CDH23: variants seen among roughly 807,000 people sequenced by gnomAD.
CDH23 encodes the protein cadherin related 23, also known as cadherin-23.
In CDH23, 189 loss-of-function variants were observed where a neutral mutation model predicts 317.1. That is an observed-to-expected ratio of 0.60 (90% CI 0.53 to 0.67). The LOEUF (loss-of-function observed/expected upper bound fraction) is 0.67. CDH23 is among the 30% of genes least tolerant of loss of function. CDH23 has a pLI of 0.00. For missense variants in CDH23, 4,401 were observed against 4,592.4 expected (o/e 0.96, Z 1.20); for synonymous variants, 1,839 against 1,876.8 (o/e 0.98, Z 0.52).
chr10:71,570,999 T>A (rs1404437827), intron 8 of CDH23, 81 bp downstream of exon 8: 1 of 1,525,048 alleles, frequency 6.6e-7, no homozygotes, highest in Non-Finnish European at 9.0e-7. Flanking sequence ...ATGGGCCCTG[T>A]TAGTGGGCTG....
chr10:71,511,415 G>A (rs1853979083), intron 6 of CDH23, among the ~76,000 whole-genome samples: 1 of 152,142 alleles, frequency 6.6e-6, no homozygotes, highest in African/African-American at 2.4e-5. Context: ...AAGAGCAGTT[G>A]GGCCGGTAGG....
intron 9 of CDH23, among the ~76,000 whole-genome samples, chr10:71,593,458 A>T (rs1002702689): frequency 2.0e-5 from 3 of 152,254 alleles, no homozygotes; most frequent in African/African-American, 7.2e-5. Context: ...ATGCCATAGA[A>T]GAAAAATTGT....
chr10:71,673,868 C>T (rs565978253), intron 14 of CDH23, among the ~76,000 whole-genome samples: 4 of 152,312 alleles, frequency 2.6e-5, no homozygotes, highest in South Asian at 2.1e-4. Context: ...GGAGAGGCCC[C>T]GTCCAGGAGC....
chr10:71,778,014 T>TG, intron 39 of CDH23, 113 bp downstream of exon 39: 1 of 1,428,962 alleles, frequency 7.0e-7, no homozygotes, highest in Non-Finnish European at 9.6e-7. Flanking sequence ...GGGGAAACTG[T>TG]GGGGGCACTC....
In CDH23 at chr10:71,570,820, C is replaced by A. The variant is rs1857747176; in HGVS notation, c.655C>A (p.Leu219Met). 6.2e-7 allele frequency: 1 copy of A among 1,613,694 alleles called. No individual in the cohort carries two copies. Among genetic ancestry groups the A allele is most frequent in the Non-Finnish European group, 8.5e-7 (1 of 1,179,808 alleles). The change falls in exon 8 of 70, where the codon CTG (leucine) becomes ATG (methionine). Residue 219 changes from leucine (L) to methionine (M), a missense_variant. Leu to Met is a conservative substitution (Grantham distance 15, BLOSUM62 2). Around this residue, in one of 3 missense-constraint regions of CDH23, gnomAD observed 3,068 missense variants for 3,203.3 expected, o/e 0.96. Coordinates refer to ENST00000224721, the MANE Select transcript of CDH23 (RefSeq NM_022124.6). ...DQDKTRPLST[L>M]ANLAIIITDV... Reference sequence around the variant, plus strand: ...AGACAAGACCAGGCCTCTGTCCACCCTGGCCAACTTGGCCATCATCATCAC... The same window carrying A: ...AGACAAGACCAGGCCTCTGTCCACCATGGCCAACTTGGCCATCATCATCAC...
At chr10:71,704,889 T>C (rs753536104) in intron 24 of CDH23, 22 bp from the exon 25 acceptor site, 75 of 1,587,904 alleles carry the variant, frequency 4.7e-5, no homozygotes, top group Non-Finnish European at 6.5e-5. Flanking sequence ...CCCACCCTCA[T>C]GCTGCCCCTC....
intron 6 of CDH23, among the ~76,000 whole-genome samples, chr10:71,527,233 C>T (rs533878038): frequency 4.6e-5 from 7 of 152,370 alleles, no homozygotes; most frequent in South Asian, 2.1e-4. Flanking sequence ...GGCACGCACG[C>T]GTGCACACAC....
At chr10:71,811,896 C>T (rs2133003782) in intron 65 of CDH23, 59 bp from the exon 66 acceptor site, 1 of 1,518,552 alleles carries the variant, frequency 6.6e-7, no homozygotes. Context: ...CACCCCCCAA[C>T]ACCACCCCTA....
At chr10:71,691,563 T>G (rs1226985977) in intron 20 of CDH23, among the ~76,000 whole-genome samples, 1 of 152,188 alleles carries the variant, frequency 6.6e-6, no homozygotes, top group Non-Finnish European at 1.5e-5. Flanking sequence ...TCAACCCATG[T>G]AGATGTTGAG....
intron 3 of CDH23, among the ~76,000 whole-genome samples, chr10:71,456,665 G>A (rs1426593869): frequency 6.6e-6 from 1 of 152,188 alleles, no homozygotes; most frequent in Admixed American, 6.5e-5. Flanking sequence ...TGGGGGGTGG[G>A]GTAGGGACAT....
chr10:71,799,750 C>T (rs1226388276), intron 52 of CDH23, 121 bp downstream of exon 52: 1 of 1,364,028 alleles, frequency 7.3e-7, no homozygotes, highest in Non-Finnish European at 1.0e-6. Context: ...ATCTGCATCC[C>T]CAGAGGTTCT....
rs1343478740 is a variant in CDH23, at chr10:71,791,346, G to A, written c.6253+11G>A. 1 of 1,611,486 alleles carries A rather than the reference G, an allele frequency of 6.2e-7. No individual in the cohort carries two copies. The highest frequency in any genetic ancestry group is 1.1e-5 in the South Asian group (1 of 90,524). ...AGAACTGCCCGCCTGGTAAGCAGGG[G>A]ACAGGCCCCAGCACCCCACAACCAG... On this transcript the variant is annotated intron_variant, in intron 47 of 69. Coordinates refer to ENST00000224721, the MANE Select transcript of CDH23 (RefSeq NM_022124.6).
rs745970957 is a variant in CDH23 at position 71,682,531 on chromosome 10, C to G, written c.1945C>G (p.Pro649Ala). 5 of 1,613,718 alleles carry G rather than the reference C, an allele frequency of 3.1e-6. No homozygotes were observed. The highest frequency in any genetic ancestry group is 4.2e-6 in the Non-Finnish European group (5 of 1,179,796). The change falls in exon 18 of 70, where the codon CCC (proline) becomes GCC (alanine). Residue 649 changes from proline to alanine, a missense_variant. Physicochemically the swap from Pro to Ala is conservative, Grantham distance 27. Transcript: ENST00000224721. ...LTVMAMDAGN[P>A]PLNSTVPVTI... is the part of the protein sequence containing the mutation. Reference sequence around the variant, plus strand: ...GGTCATGGCCATGGATGCTGGCAACCCCCCTCTCAACAGCACCGTCCCTGT... The same window carrying G: ...GGTCATGGCCATGGATGCTGGCAACGCCCCTCTCAACAGCACCGTCCCTGT...
At chr10:71,598,864 C>A (rs947690125) in intron 9 of CDH23, among the ~76,000 whole-genome samples, 2 of 152,264 alleles carry the variant, frequency 1.3e-5, no homozygotes, top group African/African-American at 4.8e-5. Context: ...TGGGCTCATT[C>A]ATCAAGCATT....
intron 9 of CDH23, among the ~76,000 whole-genome samples, chr10:71,593,669 G>A (rs10999906): frequency 0.36 from 55,095 of 152,086 alleles, 10,645 homozygotes; most frequent in African/African-American, 0.5. Context: ...GGAAACCCCA[G>A]TGACTGGTGG....
Position 71,813,327 on chromosome 10 carries a change from C to A in CDH23, c.9717C>A (p.Ser3239=). 6.4e-7 allele frequency: 1 copy of A among 1,551,678 alleles called. No individual in the cohort carries two copies. The highest frequency in any genetic ancestry group is 8.7e-7 in the Non-Finnish European group (1 of 1,146,994). The part of the protein sequence containing the change: ...FAQRMVQKAS[S]CHSSISELIQ... ...AGCGGATGGTGCAAAAAGCCTCCTCCTGCCACTCCTCCATCTCTGAGGTAG... is the reference window on the plus strand; with the variant it reads ...AGCGGATGGTGCAAAAAGCCTCCTCATGCCACTCCTCCATCTCTGAGGTAG... Residue 3239 remains serine (S), a synonymous_variant, in exon 69 of 70, where the codon TCC becomes TCA. Transcript: ENST00000224721.
At chr10:71,399,492 T>A (rs1847685125) in intron 1 of CDH23, among the ~76,000 whole-genome samples, 1 of 152,238 alleles carries the variant, frequency 6.6e-6, no homozygotes, top group South Asian at 2.1e-4. Context: ...AGGCTCGGAT[T>A]AATAGTCCAC....
intron 3 of CDH23, among the ~76,000 whole-genome samples, chr10:71,496,825 G>GC: frequency 1.8e-5 from 1 of 56,716 alleles, no homozygotes; most frequent in East Asian, 4.3e-4. Flanking sequence ...ATGTGGTCTG[G>GC]TGTACAGATG....
intron 18 of CDH23, among the ~76,000 whole-genome samples, chr10:71,686,386 G>A (rs781122436): frequency 3.3e-5 from 5 of 152,112 alleles, no homozygotes; most frequent in Non-Finnish European, 7.4e-5. Flanking sequence ...GGGGAGAGGG[G>A]CAGGTCAGCG....
Sources: allele counts gnomAD v4.1 joint callset (sites outside exome capture counted in the v4.1 genomes callset), GRCh38; gene constraint gnomAD v4.1.1; regional missense constraint gnomAD v4.1.1; transcripts MANE v1.5; gene names NCBI Gene and HGNC (gene_info 2026-07-23, HGNC 2026-07-21).